CACNA1E: variants seen among roughly 807,000 people sequenced by gnomAD.
The protein encoded by CACNA1E is calcium voltage-gated channel subunit alpha1 E.
Under a neutral mutation model 259.2 loss-of-function variants are expected in CACNA1E, and 40 were observed. The observed-to-expected ratio is 0.15, with a 90% CI of 0.12 to 0.20. CACNA1E has a LOEUF of 0.20. Ranked by LOEUF, CACNA1E falls within the 10% of genes least tolerant of loss-of-function variation. CACNA1E has a pLI of 1.00. For missense variants in CACNA1E, 1,874 were observed against 3,040.1 expected (o/e 0.62, Z 9.02); for synonymous variants, 1,104 against 1,138.5 (o/e 0.97, Z 0.61).
chr1:181,705,519 T>C (rs1474561251), intron 7 of CACNA1E, among the ~76,000 whole-genome samples: 1 of 152,212 alleles, frequency 6.6e-6, no homozygotes, highest in African/African-American at 2.4e-5. Flanking sequence ...AAACCTTGCA[T>C]ACATATGTAG....
At chr1:181,696,038 C>T (rs1033951539) in intron 7 of CACNA1E, among the ~76,000 whole-genome samples, 1 of 152,234 alleles carries the variant, frequency 6.6e-6, no homozygotes, top group Non-Finnish European at 1.5e-5. Flanking sequence ...TTTGCGAATT[C>T]AGGCGAGACA....
chr1:181,796,529 T>C, intron 46 of CACNA1E, 139 bp from the exon 47 acceptor site: 1 of 573,552 alleles, frequency 1.7e-6, no homozygotes, highest in East Asian at 3.0e-5. Context: ...AACATTTGAA[T>C]TTGGGGGGGG....
At chr1:181,573,490 A>G (rs752931310) in intron 3 of CACNA1E, among the ~76,000 whole-genome samples, 2 of 152,202 alleles carry the variant, frequency 1.3e-5, no homozygotes, top group Non-Finnish European at 2.9e-5. Context: ...CTGAGTTTCC[A>G]TTCTTTCCTC....
Position 181,732,960 on chromosome 1 carries a change from G to A in CACNA1E, c.2874G>A (p.Lys958=), listed in dbSNP as rs755159494. 2.5e-6 allele frequency: 4 copies of A among 1,613,906 alleles called. No homozygotes were observed. The highest frequency in any genetic ancestry group is 3.4e-6 in the Non-Finnish European group (4 of 1,179,892). Residue 958 remains lysine, a synonymous_variant, in exon 20 of 48, where the codon AAG becomes AAA. Coordinates refer to ENST00000367573, the MANE Select transcript of CACNA1E (RefSeq NM_001205293.3). The surrounding 1 kb of genome is among the most constrained non-coding windows in gnomAD (Gnocchi z 5.5). Reference sequence around the variant, plus strand: ...AAGCCATGCCCACTGAAGGGGAGAAGGACCATGAGCTCAGGGGCAACCATG... The same window carrying A: ...AAGCCATGCCCACTGAAGGGGAGAAAGACCATGAGCTCAGGGGCAACCATG... ...LDEAMPTEGE[K]DHELRGNHGA... is the part of the protein sequence containing the mutation.
chr1:181,657,804 G>A (rs973171575), intron 7 of CACNA1E, among the ~76,000 whole-genome samples: 3 of 152,184 alleles, frequency 2.0e-5, no homozygotes, highest in Non-Finnish European at 4.4e-5. Context: ...CTTTAATAAT[G>A]TTTATTTTGA....
intron 1 of CACNA1E, among the ~76,000 whole-genome samples, chr1:181,367,480 A>G (rs2101941992): frequency 6.6e-6 from 1 of 151,292 alleles, no homozygotes; most frequent in Middle Eastern, 3.4e-3. Context: ...GGAGTTGTAG[A>G]AGAAATTAAT....
chr1:181,471,883 T>C (rs1460222751), intron 2 of CACNA1E, among the ~76,000 whole-genome samples: 1 of 152,210 alleles, frequency 6.6e-6, no homozygotes, highest in Non-Finnish European at 1.5e-5. Flanking sequence ...TTCTGTAAAC[T>C]GGGTCTTTCA....
chr1:181,380,618 T>A (rs1217066733), intron 1 of CACNA1E, among the ~76,000 whole-genome samples: 1 of 152,196 alleles, frequency 6.6e-6, no homozygotes, highest in African/African-American at 2.4e-5. Flanking sequence ...TTGTTGGTTG[T>A]TAAGAAATGT....
At chr1:181,711,146 C>T (rs1183861248) in intron 8 of CACNA1E, 77 bp downstream of exon 8, 3 of 976,060 alleles carry the variant, frequency 3.1e-6, no homozygotes, top group Middle Eastern at 2.3e-4. Flanking sequence ...CCCAATGCTC[C>T]CATTCAAGGG....
At chr1:181,426,743 CCCTTCCCGTCTCA>C (rs1659275953) in intron 2 of CACNA1E, among the ~76,000 whole-genome samples, 1 of 150,278 alleles carries the variant, frequency 6.7e-6, no homozygotes, top group African/African-American at 2.5e-5. Flanking sequence ...ACAACTCAGC[CCCTTCCCGTCTCA>C]ACCCCTGTCA....
intron 6 of CACNA1E, among the ~76,000 whole-genome samples, chr1:181,635,467 C>T (rs1411760308): frequency 1.3e-5 from 2 of 152,144 alleles, no homozygotes; most frequent in Non-Finnish European, 2.9e-5. Flanking sequence ...TTTCTCCTTC[C>T]CCAGTTCTCT....
At chr1:181,776,000 T>A (rs1222842976) in intron 37 of CACNA1E, 101 bp from the exon 38 acceptor site, 3 of 1,125,566 alleles carry the variant, frequency 2.7e-6, no homozygotes, top group Non-Finnish European at 3.9e-6. Context: ...TTCTGGCTCG[T>A]TTGCTAAAAC....
intron 1 of CACNA1E, among the ~76,000 whole-genome samples, chr1:181,496,477 C>T (rs1440790719): frequency 1.3e-5 from 2 of 152,198 alleles, no homozygotes; most frequent in African/African-American, 2.4e-5. Context: ...TGGCTAACTA[C>T]TTCCTATCTG....
intron 6 of CACNA1E, among the ~76,000 whole-genome samples, chr1:181,581,443 A>G (rs1166720065): frequency 6.6e-6 from 1 of 152,110 alleles, no homozygotes; most frequent in African/African-American, 2.4e-5. Flanking sequence ...CCTTCTCTGG[A>G]GATTCTAATT....
intron 1 of CACNA1E, among the ~76,000 whole-genome samples, chr1:181,345,415 T>C (rs536009752): frequency 3.3e-5 from 5 of 152,314 alleles, no homozygotes; most frequent in African/African-American, 1.2e-4. Flanking sequence ...TATGGTTCAA[T>C]GTGGCCACAT....
intron 1 of CACNA1E, among the ~76,000 whole-genome samples, chr1:181,382,500 T>C (rs561819452): frequency 1.3e-5 from 2 of 152,072 alleles, no homozygotes; most frequent in Non-Finnish European, 2.9e-5. Context: ...TTAATGGCAG[T>C]GGAGAGGAAG....
chr1:181,717,297 T>C lies in CACNA1E; in HGVS notation c.1520T>C (p.Leu507Pro), dbSNP rs1317857450. The C allele has an allele frequency of 6.2e-7, 1 of 1,612,830 alleles. No individual in the cohort carries two copies. Reference protein sequence around the residue: ...HHNQPQWLTHLLYYAEFLFLG... With the variant: ...HHNQPQWLTHPLYYAEFLFLG... ...AACCAGCCCCAGTGGCTCACCCACC[T>C]CCTCTGTAAGTAAAGCCTCTCTCTA... The change falls in exon 11 of 48, where the codon CTC (leucine) becomes CCC (proline). Residue 507 changes from leucine (L) to proline (P), a missense_variant. Around this residue, in one of 14 missense-constraint regions of CACNA1E, gnomAD observed 157 missense variants for 203.5 expected, o/e 0.77. Transcript: ENST00000367573.
chr1:181,707,743 G>A (rs945747947), intron 7 of CACNA1E, among the ~76,000 whole-genome samples: 2 of 151,898 alleles, frequency 1.3e-5, no homozygotes, highest in African/African-American at 4.8e-5. Context: ...TGGGAGTCAG[G>A]GAAGAACTAT....
chr1:181,610,479 G>A (rs561499813), intron 6 of CACNA1E, among the ~76,000 whole-genome samples: 1 of 152,270 alleles, frequency 6.6e-6, no homozygotes, highest in African/African-American at 2.4e-5. Flanking sequence ...AATACAGTGT[G>A]GTCTGTCTTT....
Sources: gnomAD v4.1 joint callset for allele counts (sites outside exome capture counted in the v4.1 genomes callset) on GRCh38, gnomAD v4.1.1 for gene constraint, gnomAD v4.1.1 regional missense constraint, Gnocchi (gnomAD v3.1) non-coding constraint, MANE v1.5 for transcripts, NCBI Gene and HGNC (gene_info 2026-07-23, HGNC 2026-07-21) for gene names.